The following CLASP1 variants were observed in gnomAD, a reference collection of about 807,000 sequenced individuals.
CLASP1 encodes the protein CLIP-associating protein 1.
A neutral mutation model predicts 192.3 loss-of-function variants in CLASP1; 38 were observed. The observed-to-expected ratio is 0.20, with a 90% CI of 0.15 to 0.26. CLASP1 has a LOEUF of 0.26. Among genes scored for constraint, CLASP1 ranks in the 10% least tolerant of loss-of-function variants. The pLI is 1.00. For missense variants in CLASP1, 1,433 were observed against 1,932.5 expected (o/e 0.74, Z 4.85); for synonymous variants, 691 against 712.8 (o/e 0.97, Z 0.49).
intron 1 of CLASP1, among the ~76,000 whole-genome samples, chr2:121,613,506 G>T (rs574548324): frequency 5.9e-5 from 9 of 152,262 alleles, no homozygotes; most frequent in Non-Finnish European, 1.2e-4. Flanking sequence ...ATGAAAAGAG[G>T]CATCAAGTTG....
intron 8 of CLASP1, chr2:121,470,750 AAAAT>A (rs2090566157): frequency 7.6e-6 from 3 of 394,116 alleles, no homozygotes; most frequent in Non-Finnish European, 1.5e-5. Flanking sequence ...GTATAGTGCC[AAAAT>A]TATCAGAGAG....
intron 2 of CLASP1, among the ~76,000 whole-genome samples, chr2:121,531,542 G>A (rs974583974): frequency 4.0e-5 from 6 of 148,196 alleles, no homozygotes; most frequent in South Asian, 2.1e-4. Flanking sequence ...CCTGCAGTGA[G>A]CAGAGATCGC....
chr2:121,616,680 T>A (rs2106052280), intron 1 of CLASP1, among the ~76,000 whole-genome samples: 1 of 152,266 alleles, frequency 6.6e-6, no homozygotes, highest in Non-Finnish European at 1.5e-5. Context: ...TACAATATGA[T>A]CGAAAACGAA....
chr2:121,384,548 T>G (rs576783938), intron 32 of CLASP1, among the ~76,000 whole-genome samples: 11 of 152,194 alleles, frequency 7.2e-5, no homozygotes, highest in Admixed American at 5.2e-4. Context: ...CTCACTATCA[T>G]CATGATCCAA....
chr2:121,531,593 CAAA>C (rs35331131), intron 2 of CLASP1, among the ~76,000 whole-genome samples: 2 of 103,960 alleles, frequency 1.9e-5, no homozygotes, highest in Admixed American at 1.1e-4. Flanking sequence ...GACTCCATCT[CAAA>C]AAAAAAAAAA....
chr2:121,612,183 T>TGAG (rs2065705877), intron 1 of CLASP1, among the ~76,000 whole-genome samples: 1 of 66,980 alleles, frequency 1.5e-5, no homozygotes, highest in South Asian at 4.4e-4. Flanking sequence ...AGGAAGAGGA[T>TGAG]GAGGAGGAGG....
chr2:121,424,543 AG>A (rs2080066305), intron 22 of CLASP1, among the ~76,000 whole-genome samples: 1 of 152,232 alleles, frequency 6.6e-6, no homozygotes, highest in African/African-American at 2.4e-5. Context: ...ATGGAACAAA[AG>A]GTATTTAAGC....
chr2:121,534,073 G>C (rs1254594175), intron 2 of CLASP1, among the ~76,000 whole-genome samples: 1 of 152,254 alleles, frequency 6.6e-6, no homozygotes, highest in African/African-American at 2.4e-5. Context: ...AGGCACAGAA[G>C]AACTTCCAGG....
chr2:121,574,157 G>A (rs540596008), intron 2 of CLASP1, among the ~76,000 whole-genome samples: 4 of 152,164 alleles, frequency 2.6e-5, no homozygotes, highest in Admixed American at 6.5e-5. Flanking sequence ...GTGAAACCCC[G>A]TCTCTACTAA....
At chr2:121,544,440 A>C (rs1447087729) in intron 2 of CLASP1, among the ~76,000 whole-genome samples, 1 of 84,748 alleles carries the variant, frequency 1.2e-5, no homozygotes, top group African/African-American at 1.0e-4. Flanking sequence ...AAATATATAC[A>C]AAAAAAAAAA....
chr2:121,605,073 T>C lies in CLASP1; in HGVS notation c.195+628A>G, dbSNP rs184937701. On this transcript the variant is annotated intron_variant, in intron 2 of 39. Transcript: ENST00000263710. ...ATTCAGGAAAACTGTCTTTGAAAGG[T>C]AAAATGGTCAACCTTCACGACTCAT... Among the ~76,000 whole-genome samples, 311 of 152,270 alleles carry C rather than the reference T, an allele frequency of 2.0e-3. 1 individual carries two copies. Among genetic ancestry groups the C allele is most frequent in the African/African-American group, 7.2e-3 (298 of 41,570 alleles).
intron 32 of CLASP1, among the ~76,000 whole-genome samples, chr2:121,382,983 C>T (rs920429274): frequency 1.3e-4 from 20 of 152,226 alleles, no homozygotes; most frequent in African/African-American, 4.6e-4. Context: ...AAACCAAATC[C>T]CTCTGCTCAT....
chr2:121,629,827 GAT>G lies in CLASP1; in HGVS notation c.-286+19543_-286+19544del, dbSNP rs1260888607. On this transcript the variant is annotated intron_variant, in intron 1 of 39. Coordinates refer to ENST00000263710, the Ensembl canonical transcript of CLASP1. The stretch of plus-strand genomic sequence containing the variant: ...AAAAAGCAAACTAGAAAACAAAAAT[GAT>G]GCCATTTTTGTTTATAAAATAAAAA... Among the ~76,000 whole-genome samples, 3 of 149,966 alleles carry G rather than the reference GAT, an allele frequency of 2.0e-5. No individual in the cohort carries two copies. The East Asian group carries it at 5.8e-4, about 29-fold the overall frequency.
In CLASP1 at chr2:121,427,440, G is replaced by A; in HGVS notation, c.2018-10C>T. ...TTAGCAGATCTGGATCCTTGATTAT[G>A]AGAGCAGACCAAAGGACAGGCAAAA... On this transcript the variant is annotated splice_polypyrimidine_tract_variant and intron_variant, in intron 20 of 39. Coordinates refer to ENST00000263710, the Ensembl canonical transcript of CLASP1. 1 of 1,612,712 alleles carries A rather than the reference G, an allele frequency of 6.2e-7. No individual in the cohort carries two copies. The highest frequency in any genetic ancestry group is 8.5e-7 in the Non-Finnish European group (1 of 1,179,478).
chr2:121,641,437 G>A (rs2072055359), intron 1 of CLASP1, among the ~76,000 whole-genome samples: 1 of 151,916 alleles, frequency 6.6e-6, no homozygotes, highest in Admixed American at 6.6e-5. Context: ...ACACTAGAAG[G>A]TAGGCCACAA....
intron 5 of CLASP1, among the ~76,000 whole-genome samples, chr2:121,527,241 G>A (rs1421438128): frequency 6.6e-6 from 1 of 152,172 alleles, no homozygotes; most frequent in East Asian, 1.9e-4. Flanking sequence ...TTACCCAAAT[G>A]TTCTTCAACA....
chr2:121,597,453 G>A (rs77714525), intron 2 of CLASP1, among the ~76,000 whole-genome samples: 5,867 of 152,122 alleles, frequency 0.039, 164 homozygotes, highest in East Asian at 0.14. Flanking sequence ...AATAGTGCAC[G>A]GAGAGAGAGA....
chr2:121,605,441 A>G (rs1179244434), intron 2 of CLASP1, among the ~76,000 whole-genome samples: 1 of 152,228 alleles, frequency 6.6e-6, no homozygotes, highest in Non-Finnish European at 1.5e-5. Context: ...CAACTTTCCA[A>G]CAAAAAAGCC....
At chr2:121,630,884 G>A (rs2069428715) in intron 1 of CLASP1, among the ~76,000 whole-genome samples, 1 of 150,674 alleles carries the variant, frequency 6.6e-6, no homozygotes. Flanking sequence ...AAGAGGCCGG[G>A]CGCAGTGGCT....
Sources: gnomAD v4.1 joint callset for allele counts (sites outside exome capture counted in the v4.1 genomes callset) on GRCh38, gnomAD v4.1.1 for gene constraint, MANE v1.5 for transcripts, NCBI Gene and HGNC (gene_info 2026-07-23, HGNC 2026-07-21) for gene names.